The following EPCIP variants were observed in gnomAD, a reference collection of about 807,000 sequenced individuals.
EPCIP encodes exosomal polycystin 1 interacting protein.
chr21:32,799,029 GC>G, the EPCIP span: 1 of 151,942 alleles, frequency 6.6e-6, no homozygotes, highest in Non-Finnish European at 1.5e-5. Flanking sequence ...ATATTAGGAG[GC>G]AAAAATACAT....
the EPCIP span, among the ~76,000 whole-genome samples, chr21:32,810,351 G>T: frequency 7.0e-6 from 1 of 142,524 alleles, no homozygotes; most frequent in South Asian, 2.2e-4. Context: ...CGCCTCCCGG[G>T]TTCACGCCAT....
the EPCIP span, among the ~76,000 whole-genome samples, chr21:32,806,805 T>A: frequency 1.2e-4 from 19 of 152,316 alleles, 1 homozygote; most frequent in African/African-American, 4.6e-4. Context: ...GTTGGTTTAC[T>A]GTGGGGTTTT....
chr21:32,806,186 T>C, the EPCIP span, among the ~76,000 whole-genome samples: 109,454 of 152,008 alleles, frequency 0.72, 40,179 homozygotes, highest in East Asian at 0.91. Context: ...CAAGAAAGGG[T>C]GACATTGAGT....
chr21:32,795,439 G>T, the EPCIP span, among the ~76,000 whole-genome samples: 2 of 152,302 alleles, frequency 1.3e-5, no homozygotes, highest in East Asian at 3.9e-4. Flanking sequence ...GAGCATTATG[G>T]CAGAGTGTAC....
At chr21:32,794,467 C>T in the EPCIP span, 49 of 1,568,832 alleles carry the variant, frequency 3.1e-5, no homozygotes, top group Non-Finnish European at 4.3e-5. Context: ...TCTTTTTGAA[C>T]CAATTTGTTG....
chr21:32,792,814 A>C, the EPCIP span, among the ~76,000 whole-genome samples: 1 of 152,032 alleles, frequency 6.6e-6, no homozygotes, highest in East Asian at 1.9e-4. Context: ...CCTCCACCCC[A>C]ACAAACACAG....
At chr21:32,812,199 T>C in the EPCIP span, among the ~76,000 whole-genome samples, 1 of 152,078 alleles carries the variant, frequency 6.6e-6, no homozygotes, top group African/African-American at 2.4e-5. Flanking sequence ...CTTGAGAGAG[T>C]GAATTAGGCA....
the EPCIP span, among the ~76,000 whole-genome samples, chr21:32,796,457 G>A: frequency 6.6e-6 from 1 of 152,212 alleles, no homozygotes; most frequent in Non-Finnish European, 1.5e-5. Context: ...ACATACAGGC[G>A]GCTATGAGAA....
chr21:32,797,788 T>A, the EPCIP span: 1 of 152,012 alleles, frequency 6.6e-6, no homozygotes, highest in Non-Finnish European at 1.5e-5. Flanking sequence ...AATAAAAAAA[T>A]AAACAAAATA....
chr21:32,803,162 A>G, the EPCIP span, among the ~76,000 whole-genome samples: 1 of 152,118 alleles, frequency 6.6e-6, no homozygotes, highest in Non-Finnish European at 1.5e-5. Context: ...CTCCCTGATC[A>G]TCCATTCTTT....
At chr21:32,800,003 T>C in the EPCIP span, among the ~76,000 whole-genome samples, 1 of 152,226 alleles carries the variant, frequency 6.6e-6, no homozygotes, top group Admixed American at 6.5e-5. Context: ...CAAATTACGT[T>C]TTTAAATTGC....
the EPCIP span, among the ~76,000 whole-genome samples, chr21:32,809,279 C>CTTTTT: frequency 1.8e-4 from 14 of 79,968 alleles, no homozygotes; most frequent in Non-Finnish European, 2.8e-4. Context: ...CTCCCTCCTT[C>CTTTTT]CTTTCTTTCT....
chr21:32,809,292 C>CTTTCTTTCTTTCTTTCTT, the EPCIP span, among the ~76,000 whole-genome samples: 1 of 116,264 alleles, frequency 8.6e-6, no homozygotes, highest in African/African-American at 3.1e-5. Context: ...TTCTTTCTTT[C>CTTTCTTTCTTTCTTTCTT]TTTCTTTCTT....
the EPCIP span, among the ~76,000 whole-genome samples, chr21:32,800,669 A>G: frequency 6.6e-6 from 1 of 152,128 alleles, no homozygotes; most frequent in African/African-American, 2.4e-5. Context: ...TACAAAAATT[A>G]GCTGGCCATG....
At chr21:32,809,597 G>C in the EPCIP span, among the ~76,000 whole-genome samples, 3 of 151,826 alleles carry the variant, frequency 2.0e-5, no homozygotes, top group Non-Finnish European at 4.4e-5. Context: ...TACAACTTCT[G>C]GCCTCAAGAG....
chr21:32,791,309 T>C, the EPCIP span: 1 of 152,216 alleles, frequency 6.6e-6, no homozygotes, highest in Non-Finnish European at 1.5e-5. Context: ...TTAAAACATA[T>C]GTGAAAGGGC....
At chr21:32,791,747 A>C in the EPCIP span, among the ~76,000 whole-genome samples, 1 of 152,130 alleles carries the variant, frequency 6.6e-6, no homozygotes, top group Non-Finnish European at 1.5e-5. Context: ...AAAAAAAAAA[A>C]AGTGATGTAT....
the EPCIP span, among the ~76,000 whole-genome samples, chr21:32,800,324 C>T: frequency 2.6e-5 from 4 of 152,220 alleles, no homozygotes; most frequent in Non-Finnish European, 5.9e-5. Context: ...TTTGAAGTAA[C>T]TGATGTCTGT....
At chr21:32,794,563 A>G in the EPCIP span, 7 of 774,452 alleles carry the variant, frequency 9.0e-6, no homozygotes, top group Middle Eastern at 3.9e-4. Context: ...CCAGAAAAAA[A>G]CAAGTTGTAA....
Sources: allele counts gnomAD v4.1 joint callset (sites outside exome capture counted in the v4.1 genomes callset), GRCh38; gene constraint gnomAD v4.1.1; transcripts MANE v1.5; gene names NCBI Gene and HGNC (gene_info 2026-07-23, HGNC 2026-07-21).